PDCL2: variants seen among roughly 807,000 people sequenced by gnomAD.
The protein encoded by PDCL2 is phosducin like 2, also known as phosducin-like protein 2.
In PDCL2, 23 loss-of-function variants were observed where a neutral mutation model predicts 30.3. That is an observed-to-expected ratio of 0.76 (90% CI 0.55 to 1.08). PDCL2 has a LOEUF of 1.08. PDCL2 is among the 50% of genes least tolerant of loss of function. The pLI, the probability that PDCL2 is intolerant of heterozygous loss-of-function variation, is 0.00. For missense variants in PDCL2, 243 were observed against 282.3 expected (o/e 0.86, Z 1.00); for synonymous variants, 68 against 86.2 (o/e 0.79, Z 1.17).
At position 55,559,564 on chromosome 4, in the gene PDCL2, T is replaced by G. The variant is rs551342125; in HGVS notation, c.571+2840A>C. Among the ~76,000 whole-genome samples, 3 of 152,220 alleles carry G rather than the reference T, an allele frequency of 2.0e-5. No individual in the cohort carries two copies. In the South Asian group the frequency reaches 6.2e-4, roughly 31 times the overall value. ...ATTATTCCTTCTATTTCTATAGATA[T>G]ACTTAAGTTAAAGCATAACAAGAAG... On this transcript the variant is annotated intron_variant, in intron 5 of 5. Transcript: ENST00000295645.
intron 4 of PDCL2, among the ~76,000 whole-genome samples, chr4:55,563,403 G>A (rs971925154): frequency 6.6e-6 from 1 of 152,076 alleles, no homozygotes; most frequent in Admixed American, 6.6e-5. Context: ...AATTTGAGCC[G>A]GGTGCAGTGG....
intron 4 of PDCL2, 53 bp downstream of exon 4, chr4:55,569,665 T>A (rs984626571): frequency 5.1e-6 from 7 of 1,384,352 alleles, no homozygotes; most frequent in East Asian, 2.5e-5. Flanking sequence ...AAACCAAAAA[T>A]ATGTCTTTTA....
chr4:55,583,708 GTCAAAAA>G (rs1427571209), intron 1 of PDCL2, among the ~76,000 whole-genome samples: 1 of 152,068 alleles, frequency 6.6e-6, no homozygotes, highest in African/African-American at 2.4e-5. Context: ...TGTCCCCTTT[GTCAAAAA>G]TCAATTGACT....
chr4:55,583,440 G>A (rs1732779915), intron 1 of PDCL2, among the ~76,000 whole-genome samples: 1 of 151,844 alleles, frequency 6.6e-6, no homozygotes, highest in South Asian at 2.1e-4. Context: ...GTCTATTTTT[G>A]CTTTTGTTGA....
At chr4:55,577,254 C>T (rs1732592753) in intron 3 of PDCL2, among the ~76,000 whole-genome samples, 1 of 152,182 alleles carries the variant, frequency 6.6e-6, no homozygotes, top group Non-Finnish European at 1.5e-5. Flanking sequence ...CCCTCATGAC[C>T]TAATTACCTC....
chr4:55,557,061 C>G (rs1483668405), intron 5 of PDCL2, among the ~76,000 whole-genome samples: 3 of 152,182 alleles, frequency 2.0e-5, no homozygotes, highest in African/African-American at 7.2e-5. Flanking sequence ...TGGTCTCGAA[C>G]TCCTGACCTC....
chr4:55,557,723 G>A (rs75864610), intron 5 of PDCL2, among the ~76,000 whole-genome samples: 4,451 of 151,774 alleles, frequency 0.029, 104 homozygotes, highest in Admixed American at 0.066. Context: ...CAACTCAAAG[G>A]TCCAGAGTCT....
At chr4:55,559,599 T>G (rs965329128) in intron 5 of PDCL2, among the ~76,000 whole-genome samples, 2 of 152,226 alleles carry the variant, frequency 1.3e-5, no homozygotes, top group Non-Finnish European at 2.9e-5. Context: ...GACCAGATAG[T>G]TCTTTTTAAA....
intron 1 of PDCL2, 45 bp downstream of exon 1, chr4:55,592,059 A>G: frequency 1.2e-6 from 2 of 1,603,986 alleles, no homozygotes; most frequent in African/African-American, 1.3e-5. Context: ...CCAGCTGGAG[A>G]CCCACTGGGT....
chr4:55,575,883 A>T lies in PDCL2; in HGVS notation c.218+4938T>A, dbSNP rs189356965. On this transcript the variant is annotated intron_variant, in intron 3 of 5. Transcript: ENST00000295645. Reference sequence around the variant, plus strand: ...ATTCCTAGATTTAAAAAATAAAAATAAAAACAAAAAAACACCAAGGGACCT... The same window carrying T: ...ATTCCTAGATTTAAAAAATAAAAATTAAAACAAAAAAACACCAAGGGACCT... Among the ~76,000 whole-genome samples the T allele has an allele frequency of 3.3e-3, 505 of 152,356 alleles. 2 individuals are homozygous for T. Among genetic ancestry groups the T allele is most frequent in the African/African-American group, 0.011 (464 of 41,582 alleles).
At chr4:55,564,592 T>C (rs144162165) in intron 4 of PDCL2, among the ~76,000 whole-genome samples, 34 of 152,220 alleles carry the variant, frequency 2.2e-4, no homozygotes, top group African/African-American at 7.7e-4. Context: ...CAGGGTAAGA[T>C]TAAATAAAAC....
chr4:55,586,927 A>G (rs1413163379), intron 1 of PDCL2, among the ~76,000 whole-genome samples: 1 of 151,770 alleles, frequency 6.6e-6, no homozygotes, highest in Non-Finnish European at 1.5e-5. Context: ...GATGTTAAGC[A>G]TCTTTTCATG....
At position 55,592,203 on chromosome 4, in the gene PDCL2, C is replaced by G; in HGVS notation, c.-94G>C. The G allele has an allele frequency of 1.3e-6, 2 of 1,552,886 alleles. No homozygotes were observed. The highest frequency in any genetic ancestry group is 1.7e-4 in the Middle Eastern group (1 of 5,744). ...CGCAGCCTTCTCCAGGCTGGAAGAGCGCCCGCTTCAGGCCCGGCGGTTTCG... is the reference window on the plus strand; with the variant it reads ...CGCAGCCTTCTCCAGGCTGGAAGAGGGCCCGCTTCAGGCCCGGCGGTTTCG... On this transcript the variant is annotated 5_prime_UTR_variant, in exon 1 of 6. Transcript: ENST00000295645.
chr4:55,575,913 C>G (rs1732557503), intron 3 of PDCL2, among the ~76,000 whole-genome samples: 1 of 151,992 alleles, frequency 6.6e-6, no homozygotes, highest in Non-Finnish European at 1.5e-5. Flanking sequence ...GGACCTAGAC[C>G]TGCCTAAAAA....
chr4:55,565,549 T>C (rs542176353), intron 4 of PDCL2, among the ~76,000 whole-genome samples: 1 of 152,110 alleles, frequency 6.6e-6, no homozygotes, highest in African/African-American at 2.4e-5. Context: ...AAGAACAGCA[T>C]GAGGGTAACT....
intron 4 of PDCL2, among the ~76,000 whole-genome samples, chr4:55,562,911 A>G (rs1732171547): frequency 1.5e-5 from 1 of 65,856 alleles, no homozygotes; most frequent in Non-Finnish European, 3.1e-5. Flanking sequence ...CCCAGTTTGT[A>G]GAAAAAAAAA....
At position 55,566,234 on chromosome 4, in the gene PDCL2, G is replaced by A. The variant is rs1290093680; in HGVS notation, c.362+3484C>T. 5.9e-5 allele frequency among the ~76,000 whole-genome samples: 9 copies of A among 151,632 alleles called. No homozygotes were observed. The South Asian group carries it at 1.3e-3, about 21-fold the overall frequency. ...CGACCTCAGGTGATCCGCCCGCCTC[G>A]GCCTCTCAAAATGCTGGGATTACAG... On this transcript the variant is annotated intron_variant, in intron 4 of 5. Transcript: ENST00000295645.
intron 5 of PDCL2, among the ~76,000 whole-genome samples, chr4:55,558,604 G>C (rs1844218): frequency 1 from 151,680 of 152,320 alleles, 75,526 homozygotes; most frequent in Middle Eastern, 1. Flanking sequence ...TACATCAAAT[G>C]ATACACAAAA....
chr4:55,574,287 C>G (rs767997111), intron 3 of PDCL2, among the ~76,000 whole-genome samples: 5 of 152,158 alleles, frequency 3.3e-5, no homozygotes, highest in Non-Finnish European at 5.9e-5. Context: ...GGGTGATCAT[C>G]ATTGTAGCTT....
Sources: gnomAD v4.1 joint callset for allele counts (sites outside exome capture counted in the v4.1 genomes callset) on GRCh38, gnomAD v4.1.1 for gene constraint, MANE v1.5 for transcripts, NCBI Gene and HGNC (gene_info 2026-07-23, HGNC 2026-07-21) for gene names.